SLC27A2: variants seen among roughly 807,000 people sequenced by gnomAD.
SLC27A2 encodes long-chain fatty acid transport protein 2.
Under a neutral mutation model 60.0 loss-of-function variants are expected in SLC27A2, and 54 were observed. The ratio of observed to expected loss-of-function variants is 0.90; its 90% CI spans 0.72 to 1.13. The LOEUF is 1.13. Among genes scored for constraint, SLC27A2 ranks in the 50% most tolerant of loss-of-function variants. The probability of loss-of-function intolerance (pLI) is 0.00; values close to 1 mark genes in which losing one functional copy is unlikely to be tolerated. For synonymous variants in SLC27A2, 297 were observed against 297.6 expected (o/e 1.00, Z 0.02); for missense variants, 739 against 777.6 (o/e 0.95, Z 0.59).
chr15:50,189,365 A>G (rs535890716), intron 1 of SLC27A2, among the ~76,000 whole-genome samples: 1 of 152,174 alleles, frequency 6.6e-6, no homozygotes, highest in East Asian at 1.9e-4. Context: ...GCAGGTGGTG[A>G]GCACAGGATG....
chr15:50,216,610 GTATATATATATATA>G (rs59683706), intron 4 of SLC27A2, among the ~76,000 whole-genome samples: 4,267 of 66,472 alleles, frequency 0.064, 338 homozygotes, highest in African/African-American at 0.18. Context: ...GTGTGTGTGT[GTATATATATATATA>G]TATATATATA....
Position 50,236,003 on chromosome 15 carries a change from T to G in SLC27A2, c.1770T>G (p.Asp590Glu). ...GCTTTAACCCTGCTGTCATCAAAGA[T>G]GCCTTGTATTTCTTGGATGACACAG... is the stretch of plus-strand genomic sequence containing the variant. ...EEGFNPAVIK[D>E]ALYFLDDTAK... The change falls in exon 10 of 10, where the codon GAT becomes GAG. Residue 590 changes from aspartate (D) to glutamate (E), a missense_variant. Transcript: ENST00000267842. The G allele has an allele frequency of 6.2e-7, 1 of 1,614,078 alleles. No individual in the cohort carries two copies. Among genetic ancestry groups the G allele is most frequent in the Non-Finnish European group, 8.5e-7 (1 of 1,179,920 alleles).
At chr15:50,209,324 G>A (rs1361750612) in intron 4 of SLC27A2, among the ~76,000 whole-genome samples, 1 of 152,104 alleles carries the variant, frequency 6.6e-6, no homozygotes, top group Non-Finnish European at 1.5e-5. Context: ...AGTGGAGAGT[G>A]GCCAATATGA....
At chr15:50,216,349 A>C (rs1460898450) in intron 4 of SLC27A2, among the ~76,000 whole-genome samples, 3 of 152,034 alleles carry the variant, frequency 2.0e-5, no homozygotes, top group African/African-American at 7.2e-5. Context: ...ACACTTCTAC[A>C]CTACTGGTGG....
At chr15:50,185,700 G>T (rs2044915816) in intron 1 of SLC27A2, among the ~76,000 whole-genome samples, 1 of 146,728 alleles carries the variant, frequency 6.8e-6, no homozygotes, top group Non-Finnish European at 1.5e-5. Context: ...CGTGATCTCG[G>T]CTCACTGCAA....
intron 6 of SLC27A2, among the ~76,000 whole-genome samples, chr15:50,226,358 G>A (rs539250596): frequency 4.8e-4 from 73 of 152,318 alleles, no homozygotes; most frequent in African/African-American, 1.7e-3. Context: ...ATAGTTTTAG[G>A]TGGCCTTTAC....
At chr15:50,225,965 C>A in intron 5 of SLC27A2, 23 bp from the exon 6 acceptor site, 1 of 1,437,380 alleles carries the variant, frequency 7.0e-7, no homozygotes, top group Non-Finnish European at 9.8e-7. Flanking sequence ...GATTTATACT[C>A]AAAATTATTT....
chr15:50,191,470 G>A (rs1216175486), intron 1 of SLC27A2, among the ~76,000 whole-genome samples: 2 of 152,180 alleles, frequency 1.3e-5, no homozygotes, highest in African/African-American at 4.8e-5. Context: ...CCTTAATTTA[G>A]GAGGTAACTC....
intron 7 of SLC27A2, among the ~76,000 whole-genome samples, chr15:50,228,115 C>T (rs186014001): frequency 1.2e-4 from 19 of 152,206 alleles, no homozygotes; most frequent in South Asian, 8.3e-4. Flanking sequence ...TGGTGGCTAA[C>T]GCCTGTAATC....
At chr15:50,214,333 T>C (rs2045179802) in intron 4 of SLC27A2, among the ~76,000 whole-genome samples, 1 of 151,882 alleles carries the variant, frequency 6.6e-6, no homozygotes, top group Admixed American at 6.6e-5. Context: ...ATTTAAAAAT[T>C]ACCGACAAAA....
chr15:50,197,963 G>A (rs1355559737), intron 2 of SLC27A2, among the ~76,000 whole-genome samples: 1 of 152,128 alleles, frequency 6.6e-6, no homozygotes, highest in Non-Finnish European at 1.5e-5. Flanking sequence ...AAGTAGTTAT[G>A]ATGATGAATG....
At chr15:50,196,073 AAAAAATATATATATATATATATATATAT>A (rs1237642113) in intron 1 of SLC27A2, among the ~76,000 whole-genome samples, 10 of 19,206 alleles carry the variant, frequency 5.2e-4, no homozygotes, top group African/African-American at 1.5e-3. Flanking sequence ...AAAAAAAAAA[AAAAAATATATATATATATATATATATAT>A]ATATATATAT....
chr15:50,228,376 CAAAAAAAAAAAAA>C (rs71124333), intron 7 of SLC27A2, among the ~76,000 whole-genome samples: 2 of 77,282 alleles, frequency 2.6e-5, no homozygotes, highest in Non-Finnish European at 4.5e-5. Context: ...GACTCTGCCT[CAAAAAAAAAAAAA>C]AAAAAAAAAA....
intron 4 of SLC27A2, among the ~76,000 whole-genome samples, chr15:50,212,209 C>T (rs992019609): frequency 2.0e-5 from 3 of 151,736 alleles, no homozygotes; most frequent in Non-Finnish European, 4.4e-5. Flanking sequence ...ATTCAGAGCT[C>T]GAAGTCAAGG....
chr15:50,204,616 C>A (rs558582072), intron 3 of SLC27A2, among the ~76,000 whole-genome samples: 1 of 151,688 alleles, frequency 6.6e-6, no homozygotes, highest in African/African-American at 2.4e-5. Flanking sequence ...GCCTGTAATC[C>A]CAGCTACTCA....
intron 1 of SLC27A2, among the ~76,000 whole-genome samples, chr15:50,197,043 C>G (rs1483762873): frequency 1.3e-5 from 2 of 152,092 alleles, no homozygotes; most frequent in Non-Finnish European, 2.9e-5. Flanking sequence ...ACGGATATTT[C>G]TTGGGTTTTG....
chr15:50,232,081 C>T (rs1199410361), intron 8 of SLC27A2, among the ~76,000 whole-genome samples: 1 of 152,232 alleles, frequency 6.6e-6, no homozygotes, highest in Non-Finnish European at 1.5e-5. Flanking sequence ...GTCTGGCCCC[C>T]CATCCACAGA....
chr15:50,187,237 G>A (rs116535298), intron 1 of SLC27A2, among the ~76,000 whole-genome samples: 175 of 152,312 alleles, frequency 1.1e-3, no homozygotes, highest in African/African-American at 4.1e-3. Context: ...TTTCAGGATC[G>A]TTCTCCAGGG....
In SLC27A2 at chr15:50,198,679, A is replaced by C. The variant is rs576413034; in HGVS notation, c.688+970A>C. On this transcript the variant is annotated intron_variant, in intron 2 of 9. Coordinates refer to ENST00000267842, the MANE Select transcript of SLC27A2 (RefSeq NM_003645.4). ...AAAAGAAGGACAGGAAGCCAGCCCC[A>C]GCATGCCAATTATTATTATTAATAT... Among the ~76,000 whole-genome samples the C allele has an allele frequency of 1.4e-4, 22 of 152,328 alleles. 1 individual carries two copies. In the South Asian group the frequency reaches 4.6e-3, roughly 32 times the overall value.
Sources: allele counts gnomAD v4.1 joint callset (sites outside exome capture counted in the v4.1 genomes callset), GRCh38; gene constraint gnomAD v4.1.1; transcripts MANE v1.5; gene names NCBI Gene and HGNC (gene_info 2026-07-23, HGNC 2026-07-21).